Variants in FHIT observed in about 807,000 individuals in gnomAD.
The protein encoded by FHIT is bis(5'-adenosyl)-triphosphatase.
FHIT carries 19 observed loss-of-function variants against 17.9 expected under a neutral mutation model. The observed-to-expected ratio is 1.06, with a 90% CI of 0.74 to 1.56. The LOEUF is 1.56. Among genes scored for constraint, FHIT ranks in the 40% most tolerant of loss-of-function variants. The pLI is 0.00. For missense variants in FHIT, 248 were observed against 189.2 expected (o/e 1.31, Z -1.82); for synonymous variants, 81 against 69.7 (o/e 1.16, Z -0.81).
intron 3 of FHIT, among the ~76,000 whole-genome samples, chr3:60,903,887 G>C (rs1553763886): frequency 6.6e-6 from 1 of 152,098 alleles, no homozygotes; most frequent in African/African-American, 2.4e-5. Context: ...AAATAGTACT[G>C]TTTCCAAAGT....
At chr3:59,979,241 A>G (rs1708544754) in intron 7 of FHIT, among the ~76,000 whole-genome samples, 1 of 152,144 alleles carries the variant, frequency 6.6e-6, no homozygotes. Context: ...GTGGTCCTCA[A>G]GAACTACAGA....
At position 60,354,187 on chromosome 3, in the gene FHIT, AAATAC is replaced by A. The variant is rs558560532; in HGVS notation, c.103+182668_103+182672del. Among the ~76,000 whole-genome samples, 3 of 152,056 alleles carry A rather than the reference AAATAC, an allele frequency of 2.0e-5. No homozygotes were observed. In the South Asian group the frequency reaches 6.2e-4, roughly 32 times the overall value. On this transcript the variant is annotated intron_variant, in intron 5 of 9. Coordinates refer to ENST00000492590, the MANE Select transcript of FHIT (RefSeq NM_002012.4). Reference sequence around the variant, plus strand: ...TGAAAAATGGCACCAAAATTGTTTAAAATACAATTATTTTATTTTTAAAGCATACA... The same window carrying A: ...TGAAAAATGGCACCAAAATTGTTTAAAATTATTTTATTTTTAAAGCATACA...
At chr3:59,923,553 A>T (rs1424590700) in intron 7 of FHIT, among the ~76,000 whole-genome samples, 24 of 152,210 alleles carry the variant, frequency 1.6e-4, no homozygotes, top group Admixed American at 1.6e-3. Context: ...CTGCTATTTG[A>T]AAGTTTTACT....
At chr3:59,961,159 C>G (rs887378390) in intron 7 of FHIT, among the ~76,000 whole-genome samples, 1 of 152,126 alleles carries the variant, frequency 6.6e-6, no homozygotes, top group Admixed American at 6.5e-5. Flanking sequence ...GTTAGGAACA[C>G]TAGCTATTAG....
Position 60,176,422 on chromosome 3 carries a change from A to C in FHIT, c.104-162270T>G, listed in dbSNP as rs981331380. Among the ~76,000 whole-genome samples the C allele has an allele frequency of 2.6e-5, 4 of 152,174 alleles. No individual in the cohort carries two copies. The East Asian group carries it at 7.7e-4, about 29-fold the overall frequency. On this transcript the variant is annotated intron_variant, in intron 5 of 9. Coordinates refer to ENST00000492590, the MANE Select transcript of FHIT (RefSeq NM_002012.4). ...TATTAGAGCAACTCTATCAGATATTAATTAGTAAAGAATATAGAAATACTC... is the reference window on the plus strand; with the variant it reads ...TATTAGAGCAACTCTATCAGATATTCATTAGTAAAGAATATAGAAATACTC...
At chr3:60,594,775 G>A (rs1289197706) in intron 4 of FHIT, among the ~76,000 whole-genome samples, 2 of 152,018 alleles carry the variant, frequency 1.3e-5, no homozygotes, top group Non-Finnish European at 2.9e-5. Flanking sequence ...CCCCATATCT[G>A]GTTCTCCCTG....
At chr3:60,216,860 C>G (rs1703721116) in intron 5 of FHIT, among the ~76,000 whole-genome samples, 1 of 152,166 alleles carries the variant, frequency 6.6e-6, no homozygotes, top group Non-Finnish European at 1.5e-5. Flanking sequence ...GCAGTATCCT[C>G]TACTCCCTTC....
chr3:59,802,130 G>A (rs1022446874), intron 8 of FHIT, among the ~76,000 whole-genome samples: 1 of 152,062 alleles, frequency 6.6e-6, no homozygotes, highest in Non-Finnish European at 1.5e-5. Flanking sequence ...GCTCTGTATG[G>A]CTTATGCAGT....
intron 3 of FHIT, among the ~76,000 whole-genome samples, chr3:61,017,355 G>C (rs1171278330): frequency 2.0e-5 from 3 of 152,174 alleles, no homozygotes; most frequent in Non-Finnish European, 4.4e-5. Context: ...TCATTATTTT[G>C]AATGTTAGTG....
At chr3:60,671,882 G>A (rs1449019290) in intron 4 of FHIT, among the ~76,000 whole-genome samples, 1 of 151,690 alleles carries the variant, frequency 6.6e-6, no homozygotes, top group Non-Finnish European at 1.5e-5. Context: ...ACCAGGAGAA[G>A]AAGATTGCAG....
intron 5 of FHIT, among the ~76,000 whole-genome samples, chr3:60,183,327 G>A (rs545757731): frequency 1.5e-4 from 23 of 152,280 alleles, no homozygotes; most frequent in African/African-American, 5.5e-4. Context: ...GAACCCAGGA[G>A]GCAGAGGTTG....
At chr3:59,852,590 G>C (rs562850232) in intron 8 of FHIT, among the ~76,000 whole-genome samples, 51 of 151,982 alleles carry the variant, frequency 3.4e-4, no homozygotes, top group Non-Finnish European at 6.5e-4. Context: ...TATGGGTTTG[G>C]GTAAATGTAT....
chr3:60,825,556 G>A (rs1702081219), intron 3 of FHIT, among the ~76,000 whole-genome samples: 1 of 151,362 alleles, frequency 6.6e-6, no homozygotes, highest in African/African-American at 2.4e-5. Flanking sequence ...TGAGTGGTGG[G>A]CAAGCGAGCA....
At chr3:60,642,578 A>G (rs2039754025) in intron 4 of FHIT, among the ~76,000 whole-genome samples, 2 of 152,250 alleles carry the variant, frequency 1.3e-5, no homozygotes, top group Non-Finnish European at 2.9e-5. Flanking sequence ...AGAAATTTCC[A>G]AAGTAAATGC....
intron 3 of FHIT, among the ~76,000 whole-genome samples, chr3:60,853,911 T>C (rs550873907): frequency 1.3e-5 from 2 of 152,284 alleles, no homozygotes; most frequent in South Asian, 4.1e-4. Context: ...ATAGTCCCTT[T>C]GGTGTCCTTA....
At chr3:59,986,715 TAC>T (rs1436532786) in intron 7 of FHIT, among the ~76,000 whole-genome samples, 1 of 33,818 alleles carries the variant, frequency 3.0e-5, no homozygotes, top group African/African-American at 2.0e-4. Flanking sequence ...TATAAATATA[TAC>T]ATATATTTAT....
chr3:60,459,750 A>G (rs1038916721), intron 5 of FHIT, among the ~76,000 whole-genome samples: 2 of 152,210 alleles, frequency 1.3e-5, no homozygotes, highest in Non-Finnish European at 2.9e-5. Flanking sequence ...TTAAAAGCTG[A>G]ATTACTTAAT....
chr3:60,449,676 G>A (rs541860892), intron 5 of FHIT, among the ~76,000 whole-genome samples: 1 of 152,002 alleles, frequency 6.6e-6, no homozygotes, highest in African/African-American at 2.4e-5. Context: ...GCAAGTATTT[G>A]TGTATCAAAA....
At chr3:59,939,760 T>C (rs1018124340) in intron 7 of FHIT, among the ~76,000 whole-genome samples, 1 of 152,204 alleles carries the variant, frequency 6.6e-6, no homozygotes, top group Non-Finnish European at 1.5e-5. Context: ...ACCAGGCTCA[T>C]GGATATAAAA....
Sources: allele counts gnomAD v4.1 joint callset (sites outside exome capture counted in the v4.1 genomes callset), GRCh38; gene constraint gnomAD v4.1.1; transcripts MANE v1.5; gene names NCBI Gene and HGNC (gene_info 2026-07-23, HGNC 2026-07-21).